The following VPS13A variants were observed in gnomAD, a reference collection of about 807,000 sequenced individuals.
VPS13A encodes vacuolar protein sorting 13 homolog A.
A neutral mutation model predicts 390.9 loss-of-function variants in VPS13A; 264 were observed. The observed-to-expected ratio is 0.68, with a 90% CI of 0.61 to 0.75. The LOEUF (loss-of-function observed/expected upper bound fraction) is 0.75, where lower values mean the gene tolerates loss of function less well. Ranked by LOEUF, VPS13A falls within the 30% of genes least tolerant of loss-of-function variation. The pLI is 0.00. For missense variants in VPS13A, 3,409 were observed against 3,733.9 expected, an observed-to-expected ratio of 0.91 and a Z score of 2.27; for synonymous variants, 1,231 against 1,227.1, an observed-to-expected ratio of 1.00 and a Z score of -0.07.
At chr9:77,271,175 A>G (rs1488663565) in intron 23 of VPS13A, among the ~76,000 whole-genome samples, 1 of 152,212 alleles carries the variant, frequency 6.6e-6, no homozygotes, top group Non-Finnish European at 1.5e-5. Flanking sequence ...GCTCAATAAT[A>G]AATGACTAAA....
chr9:77,401,329 T>TGTGTGTGTGTG (rs1834383525), intron 68 of VPS13A, among the ~76,000 whole-genome samples: 6 of 140,432 alleles, frequency 4.3e-5, no homozygotes, highest in Non-Finnish European at 9.3e-5. Context: ...TCACATGAAG[T>TGTGTGTGTGTG]TGTGTGTGTG....
chr9:77,289,229 T>C (rs1216371294), intron 31 of VPS13A, among the ~76,000 whole-genome samples: 1 of 152,136 alleles, frequency 6.6e-6, no homozygotes, highest in Non-Finnish European at 1.5e-5. Flanking sequence ...ACATCTGGCT[T>C]AAAATGGGTT....
At chr9:77,261,008 C>G (rs1409948531) in intron 23 of VPS13A, among the ~76,000 whole-genome samples, 1 of 151,870 alleles carries the variant, frequency 6.6e-6, no homozygotes, top group Admixed American at 6.6e-5. Context: ...AAGCAGTTCT[C>G]TGCCTCAGCC....
intron 33 of VPS13A, among the ~76,000 whole-genome samples, chr9:77,301,675 A>G (rs894607215): frequency 5.3e-5 from 8 of 152,166 alleles, no homozygotes; most frequent in African/African-American, 7.2e-5. Context: ...GGAGGCTTCT[A>G]TGGTCACATT....
Position 77,250,244 on chromosome 9 carries a change from C to T in VPS13A, c.2170+15C>T, listed in dbSNP as rs771903924. On this transcript the variant is annotated intron_variant, in intron 21 of 71. Coordinates refer to ENST00000360280, the MANE Select transcript of VPS13A (RefSeq NM_033305.3). ...CAGTAGAGTTGGTGAGTATAAAATG[C>T]ATTATTTGTTGATTGATTTTGTTGA... 1.2e-6 allele frequency: 2 copies of T among 1,612,034 alleles called. No individual in the cohort carries two copies. The highest frequency in any genetic ancestry group is 1.1e-5 in the South Asian group (1 of 91,016).
intron 31 of VPS13A, among the ~76,000 whole-genome samples, chr9:77,291,017 T>A (rs1211717054): frequency 1.3e-5 from 2 of 152,176 alleles, no homozygotes; most frequent in Non-Finnish European, 2.9e-5. Context: ...TCAGACATCA[T>A]ATCATGCATA....
At position 77,340,512 on chromosome 9, in the gene VPS13A, G is replaced by A; in HGVS notation, c.6988G>A (p.Glu2330Lys). 1 of 1,613,116 alleles carries A rather than the reference G, an allele frequency of 6.2e-7. No homozygotes were observed. The highest frequency in any genetic ancestry group is 8.5e-7 in the Non-Finnish European group (1 of 1,179,690). ...CAAATACCATATATCAGTGGCTGAA[G>A]AAGGAAATGATAAATGGCTCTCTCT... is the stretch of plus-strand genomic sequence containing the variant. ...KSKYHISVAE[E>K]GNDKWLSLDL... Residue 2330 changes from glutamate (E) to lysine (K), a missense_variant, in exon 50 of 72, where the codon GAA (glutamate) becomes AAA (lysine). Glu to Lys is a moderately conservative substitution (Grantham distance 56, BLOSUM62 1). Around this residue, in one of 5 missense-constraint regions of VPS13A, gnomAD observed 2,717 missense variants for 2,917.4 expected, o/e 0.93. Coordinates refer to ENST00000360280, the MANE Select transcript of VPS13A (RefSeq NM_033305.3).
At chr9:77,198,724 C>T (rs1033394721) in intron 1 of VPS13A, among the ~76,000 whole-genome samples, 1 of 151,824 alleles carries the variant, frequency 6.6e-6, no homozygotes, top group Non-Finnish European at 1.5e-5. Flanking sequence ...AGTGCAGTGG[C>T]GTGATGTCGG....
Position 77,280,206 on chromosome 9 carries a change from A to G in VPS13A, c.2872A>G (p.Met958Val), listed in dbSNP as rs760192759. Residue 958 changes from methionine to valine, a missense_variant, in exon 27 of 72, where the codon ATG becomes GTG. Around this residue, in one of 5 missense-constraint regions of VPS13A, gnomAD observed 2,717 missense variants for 2,917.4 expected, o/e 0.93. Coordinates refer to ENST00000360280, the MANE Select transcript of VPS13A (RefSeq NM_033305.3). ...TTTGGTTACAACCCTGGATAACACA[A>G]TGGAAGACCTGTTAACGCTGGAATA... is the stretch of plus-strand genomic sequence containing the variant. ...VYLVTTLDNT[M>V]EDLLTLEYVK... 6.8e-6 allele frequency: 11 copies of G among 1,612,846 alleles called. No individual in the cohort carries two copies. Among genetic ancestry groups the G allele is most frequent in the South Asian group, 5.5e-5 (5 of 91,018 alleles).
At chr9:77,348,650 A>G (rs1444814646) in intron 52 of VPS13A, among the ~76,000 whole-genome samples, 2 of 152,144 alleles carry the variant, frequency 1.3e-5, no homozygotes, top group Non-Finnish European at 1.5e-5. Context: ...ATGCCATTCT[A>G]TGTGATCCCT....
rs1253822736 is a variant in VPS13A, at chr9:77,281,916, AATTG to A, written c.2958_2961del (p.Ile987ArgfsTer2). 6.3e-7 allele frequency: 1 copy of A among 1,585,564 alleles called. No homozygotes were observed. Reference sequence around the variant, plus strand: ...AAAAGTACCTATAACAATGTTTTACAATTGATTAAGGTATGAGTAGATAATTTAT... The same window carrying A: ...AAAAGTACCTATAACAATGTTTTACAATTAAGGTATGAGTAGATAATTTAT... On this transcript the variant is annotated frameshift_variant, in exon 28 of 72. Transcript: ENST00000360280. LOFTEE classifies it high-confidence loss of function.
chr9:77,271,292 G>A (rs192343440), intron 23 of VPS13A, among the ~76,000 whole-genome samples: 1 of 152,204 alleles, frequency 6.6e-6, no homozygotes, highest in East Asian at 1.9e-4. Context: ...AAAATAAGAA[G>A]AATGGCAATA....
intron 59 of VPS13A, among the ~76,000 whole-genome samples, 182 bp from the exon 60 acceptor site, chr9:77,365,278 G>A (rs939950408): frequency 6.6e-6 from 1 of 152,098 alleles, no homozygotes; most frequent in Non-Finnish European, 1.5e-5. Flanking sequence ...AATGCTTGTT[G>A]GTTTGTCAGT....
intron 33 of VPS13A, among the ~76,000 whole-genome samples, chr9:77,300,125 G>C (rs1454615145): frequency 2.6e-5 from 4 of 152,032 alleles, no homozygotes; most frequent in Non-Finnish European, 5.9e-5. Flanking sequence ...GCTGTAAATA[G>C]CTTTTTTCTT....
intron 1 of VPS13A, among the ~76,000 whole-genome samples, chr9:77,186,930 C>A (rs1452075779): frequency 6.6e-6 from 1 of 152,170 alleles, no homozygotes; most frequent in Admixed American, 6.5e-5. Context: ...CGTTATTCTA[C>A]TTTTGATGTC....
In VPS13A at chr9:77,340,257, G is replaced by T; in HGVS notation, c.6854G>T (p.Cys2285Phe). The change falls in exon 49 of 72, where the codon TGT becomes TTT. Residue 2285 changes from cysteine to phenylalanine, a missense_variant. Physicochemically the swap from Cys to Phe is radical, Grantham distance 205 (BLOSUM62 -2). Transcript: ENST00000360280. Reference sequence around the variant, plus strand: ...GTTGGTAGTCATGGAGCTGTTAAATGTAAAGGCCTGAAAATGGACTATCAA... The same window carrying T: ...GTTGGTAGTCATGGAGCTGTTAAATTTAAAGGCCTGAAAATGGACTATCAA... Reference protein sequence around the residue: ...DTVGSHGAVKCKGLKMDYQVG... With the variant: ...DTVGSHGAVKFKGLKMDYQVG... The T allele has an allele frequency of 6.2e-7, 1 of 1,613,196 alleles. No individual in the cohort carries two copies. The highest frequency in any genetic ancestry group is 8.5e-7 in the Non-Finnish European group (1 of 1,179,576).
intron 1 of VPS13A, among the ~76,000 whole-genome samples, chr9:77,182,865 T>C (rs1018756574): frequency 6.6e-6 from 1 of 152,200 alleles, no homozygotes; most frequent in Non-Finnish European, 1.5e-5. Context: ...GTTTTCCCTT[T>C]ATAATAGAAT....
intron 68 of VPS13A, among the ~76,000 whole-genome samples, chr9:77,398,962 A>G (rs1285361745): frequency 2.2e-5 from 3 of 136,302 alleles, no homozygotes; most frequent in African/African-American, 8.4e-5. Context: ...GTGGGAATTG[A>G]ACAATGAGAT....
chr9:77,307,199 C>T (rs1356384505), intron 34 of VPS13A, among the ~76,000 whole-genome samples: 2 of 152,148 alleles, frequency 1.3e-5, no homozygotes, highest in African/African-American at 4.8e-5. Flanking sequence ...CCCATCACAC[C>T]TGGCCTGAAA....
Sources: gnomAD v4.1 joint callset for allele counts (sites outside exome capture counted in the v4.1 genomes callset) on GRCh38, gnomAD v4.1.1 for gene constraint, gnomAD v4.1.1 regional missense constraint, MANE v1.5 for transcripts, NCBI Gene and HGNC (gene_info 2026-07-23, HGNC 2026-07-21) for gene names.